PRKCE: variants seen among roughly 807,000 people sequenced by gnomAD.
PRKCE encodes protein kinase C epsilon, also known as protein kinase C epsilon type.
PRKCE carries 16 observed loss-of-function variants against 85.4 expected under a neutral mutation model. The observed-to-expected ratio is 0.19, with a 90% CI of 0.13 to 0.28. The LOEUF is 0.28. Ranked by LOEUF, PRKCE falls within the 10% of genes least tolerant of loss-of-function variation. The pLI is 1.00. For missense variants in PRKCE, 573 were observed against 975.2 expected (o/e 0.59, Z 5.49); for synonymous variants, 388 against 371.5 (o/e 1.04, Z -0.51).
Position 45,963,631 on chromosome 2 carries a change from G to A in PRKCE, c.413-12798G>A, listed in dbSNP as rs188294676. 2.6e-5 allele frequency among the ~76,000 whole-genome samples: 4 copies of A among 152,160 alleles called. No homozygotes were observed. In the East Asian group the frequency reaches 7.7e-4, roughly 29 times the overall value. On this transcript the variant is annotated intron_variant, in intron 2 of 14. Transcript: ENST00000306156. The stretch of plus-strand genomic sequence containing the variant: ...GCCATCTTTACCTCTTTTATCCTCT[G>A]TCTTTCTCCATTTCCTTTGCCTTAC...
At chr2:45,891,320 C>CT (rs141582870) in intron 2 of PRKCE, among the ~76,000 whole-genome samples, 2,330 of 152,264 alleles carry the variant, frequency 0.015, 31 homozygotes, top group African/African-American at 0.036. Context: ...ACTCAAGGAA[C>CT]TTTTTGGAAG....
intron 2 of PRKCE, among the ~76,000 whole-genome samples, chr2:45,873,467 A>C (rs55872766): frequency 6.8e-5 from 6 of 87,788 alleles, no homozygotes; most frequent in South Asian, 4.0e-4. Context: ...AAAAAAAAAA[A>C]AAAAAAAAAC....
rs142946986 is a variant in PRKCE, at chr2:45,852,618, C to T, written c.412+9555C>T. Among the ~76,000 whole-genome samples the T allele has an allele frequency of 3.5e-4, 54 of 152,260 alleles. No homozygotes were observed. In the East Asian group the frequency reaches 4.4e-3, roughly 13 times the overall value. ...GGGTCCCACTGGCCTGCTCTGTACACGGAGAGGGGTGATACTCAGGGCTTC... is the reference window on the plus strand; with the variant it reads ...GGGTCCCACTGGCCTGCTCTGTACATGGAGAGGGGTGATACTCAGGGCTTC... On this transcript the variant is annotated intron_variant, in intron 2 of 14. Transcript: ENST00000306156.
At chr2:45,973,303 C>T (rs1459264307) in intron 2 of PRKCE, among the ~76,000 whole-genome samples, 3 of 152,176 alleles carry the variant, frequency 2.0e-5, no homozygotes, top group Non-Finnish European at 2.9e-5. Flanking sequence ...TGGCCTGACC[C>T]GTGGCTTTCC....
chr2:45,842,908 A>G, intron 1 of PRKCE, 92 bp from the exon 2 acceptor site: 1 of 1,156,912 alleles, frequency 8.6e-7, no homozygotes, highest in Non-Finnish European at 1.3e-6. Flanking sequence ...CTGTGTCTCT[A>G]GGTTTTAGCA....
intron 10 of PRKCE, among the ~76,000 whole-genome samples, chr2:46,060,757 T>C (rs1474446256): frequency 2.0e-5 from 3 of 151,538 alleles, no homozygotes; most frequent in Non-Finnish European, 4.4e-5. Context: ...TTTTTTTTTT[T>C]TGTTTTTTTG....
intron 1 of PRKCE, chr2:45,686,479 A>G (rs1468702682): frequency 6.6e-6 from 1 of 152,206 alleles, no homozygotes; most frequent in Non-Finnish European, 1.5e-5. Flanking sequence ...TGTGCATATG[A>G]TATGCTTATA....
intron 10 of PRKCE, among the ~76,000 whole-genome samples, chr2:46,074,429 CAAAAAAAAAAA>C (rs11287357): frequency 2.1e-5 from 2 of 93,886 alleles, no homozygotes; most frequent in African/African-American, 4.2e-5. Context: ...CAACAACAAC[CAAAAAAAAAAA>C]AAAAAAAAGA....
intron 2 of PRKCE, among the ~76,000 whole-genome samples, chr2:45,884,109 G>A (rs1215821151): frequency 6.6e-6 from 1 of 152,170 alleles, no homozygotes; most frequent in Non-Finnish European, 1.5e-5. Context: ...CAAACAACCA[G>A]GACTGTTGTG....
At chr2:45,883,075 C>A (rs1558790457) in intron 2 of PRKCE, among the ~76,000 whole-genome samples, 1 of 152,222 alleles carries the variant, frequency 6.6e-6, no homozygotes, top group Admixed American at 6.5e-5. Flanking sequence ...GGGAAAAAAG[C>A]CTTCTATCTT....
chr2:46,094,771 G>T (rs990608514), intron 11 of PRKCE, among the ~76,000 whole-genome samples: 2 of 150,854 alleles, frequency 1.3e-5, no homozygotes, highest in Non-Finnish European at 2.9e-5. Flanking sequence ...TGCACATCCT[G>T]CATAAGAACT....
intron 6 of PRKCE, among the ~76,000 whole-genome samples, chr2:45,990,095 G>T (rs1202336778): frequency 6.6e-6 from 1 of 152,170 alleles, no homozygotes; most frequent in African/African-American, 2.4e-5. Context: ...CAGAGTTTCC[G>T]CTGGTCAGAA....
chr2:45,879,790 A>C (rs904170888), intron 2 of PRKCE, among the ~76,000 whole-genome samples: 1 of 152,248 alleles, frequency 6.6e-6, no homozygotes, highest in Non-Finnish European at 1.5e-5. Context: ...TTCATAGGGT[A>C]CTGGTGATGT....
chr2:45,879,222 G>A (rs1048656349), intron 2 of PRKCE, among the ~76,000 whole-genome samples: 3 of 152,184 alleles, frequency 2.0e-5, no homozygotes, highest in South Asian at 2.1e-4. Flanking sequence ...GACTTCAGAG[G>A]GACGGCTTGA....
chr2:45,785,637 T>G (rs1021983205), intron 1 of PRKCE, among the ~76,000 whole-genome samples: 2 of 152,188 alleles, frequency 1.3e-5, no homozygotes, highest in Non-Finnish European at 2.9e-5. Context: ...TGAGGACTCT[T>G]GCTGAACACG....
chr2:45,737,870 A>G (rs1048793879), intron 1 of PRKCE, among the ~76,000 whole-genome samples: 1 of 152,108 alleles, frequency 6.6e-6, no homozygotes, highest in Non-Finnish European at 1.5e-5. Flanking sequence ...CCCAAGTTCA[A>G]CAAAACCAGG....
chr2:45,783,980 G>A (rs1686395961), intron 1 of PRKCE, among the ~76,000 whole-genome samples: 1 of 152,200 alleles, frequency 6.6e-6, no homozygotes, highest in Admixed American at 6.5e-5. Flanking sequence ...GATCCAACCT[G>A]CAGGGAGATT....
intron 1 of PRKCE, among the ~76,000 whole-genome samples, chr2:45,718,855 G>A (rs1393244794): frequency 6.6e-6 from 1 of 152,210 alleles, no homozygotes; most frequent in East Asian, 1.9e-4. Flanking sequence ...TAGTTTTGGA[G>A]TTATTAATGG....
chr2:45,739,776 ACAAGACTGTAT>A, intron 1 of PRKCE, among the ~76,000 whole-genome samples: 1 of 152,266 alleles, frequency 6.6e-6, no homozygotes, highest in African/African-American at 2.4e-5. Context: ...GGTGGTGGTT[ACAAGACTGTAT>A]ATATTTGTCA....
Sources: allele counts gnomAD v4.1 joint callset (sites outside exome capture counted in the v4.1 genomes callset), GRCh38; gene constraint gnomAD v4.1.1; transcripts MANE v1.5; gene names NCBI Gene and HGNC (gene_info 2026-07-23, HGNC 2026-07-21).